NOL4L: variants seen among roughly 807,000 people sequenced by gnomAD.
The protein encoded by NOL4L is nucleolar protein 4-like.
A neutral mutation model predicts 64.5 loss-of-function variants in NOL4L; 7 were observed. The ratio of observed to expected loss-of-function variants is 0.11; its 90% confidence interval spans 0.06 to 0.20. The LOEUF is 0.20. Among genes scored for constraint, NOL4L ranks in the 10% least tolerant of loss-of-function variants. The pLI is 1.00. For missense variants in NOL4L, 680 were observed against 967.1 expected (o/e 0.70, Z 3.94); for synonymous variants, 413 against 401.0 (o/e 1.03, Z -0.36).
At chr20:32,490,408 G>A (rs1421562326) in intron 4 of NOL4L, among the ~76,000 whole-genome samples, 1 of 152,112 alleles carries the variant, frequency 6.6e-6, no homozygotes, top group African/African-American at 2.4e-5. Flanking sequence ...AAGAAGTTGG[G>A]AGGCTTGCGA....
At chr20:32,539,630 C>T (rs1417832886) in intron 1 of NOL4L, among the ~76,000 whole-genome samples, 1 of 152,218 alleles carries the variant, frequency 6.6e-6, no homozygotes, top group Non-Finnish European at 1.5e-5. Context: ...TCTGTCCTGG[C>T]TTTTTCGTCT....
chr20:32,481,848 G>A (rs973121661), intron 4 of NOL4L, among the ~76,000 whole-genome samples: 1 of 151,922 alleles, frequency 6.6e-6, no homozygotes, highest in African/African-American at 2.4e-5. Context: ...CTGTGTCAGG[G>A]GTCAAGACAG....
At chr20:32,528,427 T>G (rs1040960227) in intron 1 of NOL4L, among the ~76,000 whole-genome samples, 2 of 152,198 alleles carry the variant, frequency 1.3e-5, no homozygotes, top group Admixed American at 1.3e-4. Context: ...CTGCCTGCCC[T>G]CCCCACTCCA....
chr20:32,504,356 C>G (rs1256377535), intron 4 of NOL4L, among the ~76,000 whole-genome samples: 1 of 151,920 alleles, frequency 6.6e-6, no homozygotes, highest in Non-Finnish European at 1.5e-5. Context: ...GTCAGTAGAT[C>G]GAGACCATCC....
chr20:32,508,691 C>G (rs1215844903), intron 4 of NOL4L, among the ~76,000 whole-genome samples: 2 of 152,210 alleles, frequency 1.3e-5, no homozygotes, highest in Non-Finnish European at 2.9e-5. Flanking sequence ...CAGAGGCCAC[C>G]TCGATCTTGG....
intron 1 of NOL4L, among the ~76,000 whole-genome samples, chr20:32,547,247 A>G (rs1389997954): frequency 1.3e-5 from 2 of 152,176 alleles, no homozygotes; most frequent in Non-Finnish European, 2.9e-5. Flanking sequence ...GTCACACAGC[A>G]CAAAGCACCT....
chr20:32,475,058 C>A (rs376990712), intron 4 of NOL4L: 10 of 985,452 alleles, frequency 1.0e-5, no homozygotes, highest in Non-Finnish European at 1.2e-5. Flanking sequence ...TTGAAACAAG[C>A]GCTGTAAACA....
intron 5 of NOL4L, among the ~76,000 whole-genome samples, chr20:32,461,548 G>C (rs747195054): frequency 1.3e-4 from 19 of 149,478 alleles, no homozygotes; most frequent in African/African-American, 4.7e-4. Flanking sequence ...TCGGCTTCCC[G>C]AGTAGCTGGG....
intron 1 of NOL4L, among the ~76,000 whole-genome samples, chr20:32,575,501 C>T (rs1980038223): frequency 6.6e-6 from 1 of 152,218 alleles, no homozygotes; most frequent in African/African-American, 2.4e-5. Context: ...TTCTCAGGCC[C>T]TGTCCCGTGG....
In NOL4L at chr20:32,447,558, T is replaced by C; in HGVS notation, c.*38A>G. The C allele has an allele frequency of 2.6e-6, 4 of 1,550,418 alleles. No individual in the cohort carries two copies. The highest frequency in any genetic ancestry group is 3.5e-6 in the Non-Finnish European group (4 of 1,154,258). ...AAGCCAGGTCCAGGCTGGGACAGCC[T>C]CCTTCCCTAGGGCAGTGCGCTCCAG... On this transcript the variant is annotated 3_prime_UTR_variant, in exon 11 of 11. Transcript: ENST00000621426.
chr20:32,471,332 T>C (rs1237446777), intron 5 of NOL4L, among the ~76,000 whole-genome samples: 5 of 140,490 alleles, frequency 3.6e-5, no homozygotes, highest in Non-Finnish European at 1.5e-5. Flanking sequence ...GAGCAGACAC[T>C]CATCCCGGTA....
intron 5 of NOL4L, among the ~76,000 whole-genome samples, chr20:32,461,596 A>G (rs6119248): frequency 0.53 from 79,509 of 149,384 alleles, 23,436 homozygotes; most frequent in East Asian, 0.97. Context: ...CTAATTTTTT[A>G]TGTTTTTAGT....
rs139321879 is a variant in NOL4L at position 32,456,234 on chromosome 20, G to A, written c.1003C>T (p.Leu335=). ...TTAAEDQPIN[L]CDKLPPATAL... is the part of the protein sequence containing the mutation. ...GTGGCCGGCGGGAGCTTGTCACACA[G>A]GTTGATGGGCTGATCCTCGGCGGCC... is the stretch of plus-strand genomic sequence containing the variant. The change falls in exon 6 of 11, where the codon CTG becomes TTG. Residue 335 remains leucine, a synonymous_variant. Coordinates refer to ENST00000621426, the MANE Select transcript of NOL4L (RefSeq NM_001256798.2). 112 of 1,608,646 alleles carry A rather than the reference G, an allele frequency of 7.0e-5. 1 individual carries two copies. The highest frequency in any genetic ancestry group is 8.6e-5 in the Non-Finnish European group (101 of 1,177,648).
At chr20:32,483,590 G>A in intron 4 of NOL4L, 1 of 885,734 alleles carries the variant, frequency 1.1e-6, no homozygotes, top group Non-Finnish European at 1.3e-6. Flanking sequence ...GCCGCGGCCC[G>A]GAGGAAGGGG....
intron 1 of NOL4L, among the ~76,000 whole-genome samples, chr20:32,549,260 A>G (rs2018768466): frequency 6.6e-6 from 1 of 152,360 alleles, no homozygotes; most frequent in South Asian, 2.1e-4. Flanking sequence ...CTTAAAACTC[A>G]ATGGTAAAAT....
intron 5 of NOL4L, among the ~76,000 whole-genome samples, chr20:32,472,703 C>T (rs2015107322): frequency 6.6e-6 from 1 of 151,828 alleles, no homozygotes; most frequent in Non-Finnish European, 1.5e-5. Flanking sequence ...AGGCCAGCTG[C>T]CTGGGCCTTC....
chr20:32,502,727 A>G (rs2016973693), intron 4 of NOL4L, among the ~76,000 whole-genome samples: 1 of 152,008 alleles, frequency 6.6e-6, no homozygotes, highest in African/African-American at 2.4e-5. Context: ...CCTGGCCAAC[A>G]TGGTGAAACC....
intron 10 of NOL4L, among the ~76,000 whole-genome samples, chr20:32,450,787 G>A (rs371051253): frequency 1.4e-4 from 21 of 152,310 alleles, no homozygotes; most frequent in Middle Eastern, 3.4e-3. Flanking sequence ...TGTAGGGGGG[G>A]CAGGGCTTTT....
chr20:32,467,958 G>A (rs946100747), intron 5 of NOL4L, among the ~76,000 whole-genome samples: 4 of 152,166 alleles, frequency 2.6e-5, no homozygotes, highest in East Asian at 1.9e-4. Context: ...CCAGAGACCC[G>A]CCCTGCTGCC....
Sources: allele counts gnomAD v4.1 joint callset (sites outside exome capture counted in the v4.1 genomes callset), GRCh38; gene constraint gnomAD v4.1.1; transcripts MANE v1.5; gene names NCBI Gene and HGNC (gene_info 2026-07-23, HGNC 2026-07-21).